Variants in TMC7 observed in about 807,000 individuals in gnomAD.
The protein encoded by TMC7 is transmembrane channel like 7.
Under a neutral mutation model 82.9 loss-of-function variants are expected in TMC7, and 54 were observed. The observed-to-expected ratio is 0.65, with a 90% CI of 0.52 to 0.82. The LOEUF (loss-of-function observed/expected upper bound fraction) is 0.82. Ranked by LOEUF, TMC7 falls within the 40% of genes least tolerant of loss-of-function variation. The pLI is 0.00. For missense variants in TMC7, 820 were observed against 901.2 expected (o/e 0.91, Z 1.15); for synonymous variants, 350 against 337.9 (o/e 1.04, Z -0.39).
intron 1 of TMC7, among the ~76,000 whole-genome samples, chr16:19,007,521 G>T (rs1351254955): frequency 6.6e-6 from 1 of 152,086 alleles, no homozygotes. Flanking sequence ...CCACTTATGG[G>T]TTCCCTCTGC....
intron 3 of TMC7, among the ~76,000 whole-genome samples, chr16:19,019,903 G>T (rs1195832127): frequency 6.6e-6 from 1 of 152,136 alleles, no homozygotes; most frequent in Non-Finnish European, 1.5e-5. Context: ...GTATTAGACA[G>T]TGGCAAAAAA....
At position 19,037,946 on chromosome 16, in the gene TMC7, T is replaced by C; in HGVS notation, c.1078T>C (p.Ser360Pro). 1 of 1,614,134 alleles carries C rather than the reference T, an allele frequency of 6.2e-7. No homozygotes were observed. Among genetic ancestry groups the C allele is most frequent in the East Asian group, 2.2e-5 (1 of 44,880 alleles). Residue 360 changes from serine to proline, a missense_variant, in exon 8 of 16, where the codon TCT becomes CCT. By Grantham distance (74) the Ser-to-Pro change is moderately conservative. Around this residue, in one of 2 missense-constraint regions of TMC7, gnomAD observed 650 missense variants for 669.9 expected, o/e 0.97. Transcript: ENST00000304381. The part of the protein sequence containing the change: ...RTSEETIRIY[S>P]LRLFLNCIVL... ...CTCAGAAGAAACAATACGCATTTAC[T>C]CTTTGAGACTGTTTTTGAACTGTAT...
At chr16:19,052,418 A>G (rs560757611) in intron 13 of TMC7, among the ~76,000 whole-genome samples, 32 of 152,284 alleles carry the variant, frequency 2.1e-4, no homozygotes, top group Admixed American at 4.6e-4. Flanking sequence ...GCTGATCTCA[A>G]ACTCCTGAGC....
Position 19,045,013 on chromosome 16 carries a change from G to A in TMC7, c.1455+12G>A. 6.2e-7 allele frequency: 1 copy of A among 1,606,730 alleles called. No homozygotes were observed. Among genetic ancestry groups the A allele is most frequent in the Non-Finnish European group, 8.5e-7 (1 of 1,173,632 alleles). ...AGAAACTCTACCCGGTGAGTTGCGG[G>A]GCGGGGGCGTTCGGCTGGGTGGGTC... On this transcript the variant is annotated intron_variant, in intron 10 of 15. Transcript: ENST00000304381.
At chr16:19,009,887 G>A (rs1333506315) in intron 2 of TMC7, among the ~76,000 whole-genome samples, 1 of 147,668 alleles carries the variant, frequency 6.8e-6, no homozygotes, top group Non-Finnish European at 1.5e-5. Context: ...CTTGCAGTGA[G>A]CCGAGATTGC....
chr16:18,984,035 G>C lies in TMC7; in HGVS notation c.-29G>C. 6.9e-7 allele frequency: 1 copy of C among 1,446,154 alleles called. No homozygotes were observed. Among genetic ancestry groups the C allele is most frequent in the Non-Finnish European group, 9.0e-7 (1 of 1,105,998 alleles). 89.6% of individuals were successfully genotyped at this position (1,446,154 alleles called of 1,614,324 possible). ...CGGCGGCGGCTGGAGAGGGTCCTCG[G>C]CAGCCTCTGAGGAGCGCGGGGCGCG... is the stretch of plus-strand genomic sequence containing the variant. On this transcript the variant is annotated 5_prime_UTR_variant, in exon 1 of 16. Transcript: ENST00000304381.
At chr16:19,027,763 A>G (rs1167776241) in intron 5 of TMC7, among the ~76,000 whole-genome samples, 1 of 152,168 alleles carries the variant, frequency 6.6e-6, no homozygotes, top group Non-Finnish European at 1.5e-5. Context: ...TTACCCAGAT[A>G]ATATAAGAAT....
intron 5 of TMC7, 67 bp downstream of exon 5, chr16:19,023,262 A>G (rs1371511574): frequency 1.8e-6 from 2 of 1,102,946 alleles, no homozygotes; most frequent in Non-Finnish European, 2.6e-6. Context: ...TTTAAAGATC[A>G]GTTTCCCAAA....
At chr16:19,039,651 A>G (rs1364991658) in intron 8 of TMC7, among the ~76,000 whole-genome samples, 1 of 152,206 alleles carries the variant, frequency 6.6e-6, no homozygotes, top group Admixed American at 6.5e-5. Context: ...CTGTGAAAGC[A>G]GGGAATTGCT....
At chr16:19,048,335 A>G (rs1054070924) in intron 12 of TMC7, among the ~76,000 whole-genome samples, 3 of 152,124 alleles carry the variant, frequency 2.0e-5, no homozygotes, top group Non-Finnish European at 2.9e-5. Flanking sequence ...TTCACAGTCC[A>G]TTGCACCAGA....
chr16:18,993,704 G>T (rs369062254), intron 1 of TMC7, among the ~76,000 whole-genome samples: 12 of 152,334 alleles, frequency 7.9e-5, no homozygotes, highest in African/African-American at 2.9e-4. Flanking sequence ...AATGATGGAG[G>T]ACCCTTGCAT....
intron 12 of TMC7, among the ~76,000 whole-genome samples, chr16:19,051,067 T>C (rs1456755643): frequency 1.3e-5 from 2 of 152,140 alleles, no homozygotes; most frequent in East Asian, 1.9e-4. Context: ...CCCCCACTGA[T>C]AGCTATTTAG....
At chr16:19,061,350 C>T (rs1161545096) in intron 15 of TMC7, among the ~76,000 whole-genome samples, 6 of 148,940 alleles carry the variant, frequency 4.0e-5, no homozygotes, top group South Asian at 2.1e-4. Context: ...GGTTTCACCA[C>T]GTTGGTCAGG....
Position 19,021,406 on chromosome 16 carries a change from C to G in TMC7, c.461-223C>G, listed in dbSNP as rs537154452. Among the ~76,000 whole-genome samples, 4 of 152,294 alleles carry G rather than the reference C, an allele frequency of 2.6e-5. No individual in the cohort carries two copies. The South Asian group carries it at 8.3e-4, about 32-fold the overall frequency. ...GATAAATATTGAGCCCTCCCTCATA[C>G]GATTCTCAAGTGATTAATTCAAGAT... On this transcript the variant is annotated intron_variant, in intron 3 of 15. Coordinates refer to ENST00000304381, the MANE Select transcript of TMC7 (RefSeq NM_024847.4).
intron 3 of TMC7, among the ~76,000 whole-genome samples, chr16:19,017,676 T>TG (rs1349959938): frequency 6.8e-6 from 1 of 146,590 alleles, no homozygotes; most frequent in Admixed American, 6.9e-5. Flanking sequence ...AGTTTTTTTT[T>TG]TTTTTTTTTT....
chr16:18,985,652 T>C (rs941629208), intron 1 of TMC7, among the ~76,000 whole-genome samples: 7 of 152,110 alleles, frequency 4.6e-5, no homozygotes, highest in Admixed American at 4.6e-4. Context: ...AGGACTATAA[T>C]TGGGCCCTCT....
intron 1 of TMC7, among the ~76,000 whole-genome samples, chr16:19,006,481 G>C (rs898081266): frequency 6.6e-6 from 1 of 151,946 alleles, no homozygotes; most frequent in African/African-American, 2.4e-5. Context: ...ACCGTGCCCG[G>C]CCCAGGGTGA....
chr16:19,026,476 C>CAA (rs567272137), intron 5 of TMC7, among the ~76,000 whole-genome samples: 1,908 of 111,104 alleles, frequency 0.017, 49 homozygotes, highest in African/African-American at 0.063. Context: ...GACTCCGTCT[C>CAA]AAAAAAAAAA....
intron 2 of TMC7, chr16:19,012,258 A>G (rs779330990): frequency 2.6e-5 from 4 of 152,164 alleles, no homozygotes. Context: ...AGTGTTCCAT[A>G]TATAAATTTA....
Sources: gnomAD v4.1 joint callset for allele counts (sites outside exome capture counted in the v4.1 genomes callset) on GRCh38, gnomAD v4.1.1 for gene constraint, gnomAD v4.1.1 regional missense constraint, MANE v1.5 for transcripts, NCBI Gene and HGNC (gene_info 2026-07-23, HGNC 2026-07-21) for gene names.